SCAF4: variants seen among roughly 807,000 people sequenced by gnomAD.
The protein encoded by SCAF4 is SR-related CTD associated factor 4.
SCAF4 carries 25 observed loss-of-function variants against 129.8 expected under a neutral mutation model. That is an observed-to-expected ratio of 0.19 (90% CI 0.14 to 0.27). SCAF4 has a LOEUF of 0.27. SCAF4 is among the 10% of genes least tolerant of loss of function. The pLI is 1.00. For missense variants in SCAF4, 1,246 were observed against 1,457.1 expected (o/e 0.86, Z 2.36); for synonymous variants, 551 against 497.7 (o/e 1.11, Z -1.43).
chr21:31,694,763 T>A, intron 10 of SCAF4, 50 bp downstream of exon 10: 1 of 1,561,382 alleles, frequency 6.4e-7, no homozygotes, highest in Non-Finnish European at 8.8e-7. Context: ...AATCTGCATA[T>A]AAGTCAAGGC....
intron 1 of SCAF4, among the ~76,000 whole-genome samples, chr21:31,715,329 C>T (rs1353104685): frequency 2.6e-5 from 4 of 151,834 alleles, no homozygotes; most frequent in Admixed American, 2.6e-4. Context: ...TTACACCGGG[C>T]CCACCCAGAT....
intron 15 of SCAF4, among the ~76,000 whole-genome samples, chr21:31,690,283 G>A (rs747624538): frequency 3.3e-5 from 5 of 151,874 alleles, no homozygotes; most frequent in South Asian, 2.1e-4. Flanking sequence ...TCAGGAGTTC[G>A]AGACCAGCCT....
chr21:31,693,954 T>C (rs1008004343), intron 11 of SCAF4, among the ~76,000 whole-genome samples: 1 of 152,140 alleles, frequency 6.6e-6, no homozygotes, highest in Non-Finnish European at 1.5e-5. Flanking sequence ...TACCTATGTA[T>C]AGAATTATAT....
rs147072383 is a variant in SCAF4 at position 31,726,842 on chromosome 21, G to C, written c.30+4821C>G. ...GAGCAAACAAAAAAAGCAGGTCAAAGCTGCAGTAAGCCGTGCTGGTGCCAC... is the reference window on the plus strand; with the variant it reads ...GAGCAAACAAAAAAAGCAGGTCAAACCTGCAGTAAGCCGTGCTGGTGCCAC... On this transcript the variant is annotated intron_variant, in intron 1 of 19. Transcript: ENST00000286835. Among the ~76,000 whole-genome samples, 889 of 152,226 alleles carry C rather than the reference G, an allele frequency of 5.8e-3. 5 individuals are homozygous for C. Among genetic ancestry groups the C allele is most frequent in the Non-Finnish European group, 8.9e-3 (604 of 68,012 alleles).
At position 31,685,032 on chromosome 21, in the gene SCAF4, A is replaced by T; in HGVS notation, c.2488+17T>A. ...GGGTGGGGCAAGGAAAACTAATGAT[A>T]AAAAAAAATAACTTACCAAGAAGTG... On this transcript the variant is annotated intron_variant, in intron 19 of 19. Coordinates refer to ENST00000286835, the MANE Select transcript of SCAF4 (RefSeq NM_020706.2). 2.3e-6 allele frequency: 3 copies of T among 1,324,892 alleles called. No individual in the cohort carries two copies. The highest frequency in any genetic ancestry group is 3.2e-6 in the Non-Finnish European group (3 of 940,574). The allele number at this position is 1,324,892 out of a possible 1,614,324, so 82.1% of individuals were successfully genotyped here. A position where few individuals can be genotyped will look rare whatever the true frequency, so the allele number is the denominator to read the frequency against.
chr21:31,730,598 A>T (rs1175690622), intron 1 of SCAF4, among the ~76,000 whole-genome samples: 1 of 152,212 alleles, frequency 6.6e-6, no homozygotes, highest in Non-Finnish European at 1.5e-5. Context: ...GAACTACAAC[A>T]TTTGATTTTT....
chr21:31,672,059 C>G lies in SCAF4; in HGVS notation c.2784G>C (p.Gly928=). The G allele has an allele frequency of 1.2e-6, 2 of 1,613,352 alleles. No individual in the cohort carries two copies. The highest frequency in any genetic ancestry group is 2.2e-5 in the South Asian group (2 of 91,072). ...TGTCTTCAGGACCCCCTGGGCCTGG[C>G]CCTGGGCCCCCGAGCCCTGGCATTC... ...PGGMPGLGGP[G]PGPGGPEDRD... The change falls in exon 20 of 20, where the codon GGG becomes GGC. Residue 928 remains glycine, a synonymous_variant. Transcript: ENST00000286835.
intron 19 of SCAF4, among the ~76,000 whole-genome samples, chr21:31,680,316 C>A (rs1395351681): frequency 1.3e-5 from 2 of 152,296 alleles, no homozygotes; most frequent in East Asian, 3.9e-4. Context: ...AAATTCATAT[C>A]CACGCCAAGT....
intron 19 of SCAF4, among the ~76,000 whole-genome samples, chr21:31,679,971 T>C (rs1250995355): frequency 6.6e-6 from 1 of 152,240 alleles, no homozygotes; most frequent in Non-Finnish European, 1.5e-5. Context: ...TAAAGTTAAC[T>C]TTCTATCACT....
chr21:31,685,085 G>A lies in SCAF4; in HGVS notation c.2452C>T (p.Pro818Ser). The A allele has an allele frequency of 1.9e-6, 3 of 1,612,538 alleles. No homozygotes were observed. Among genetic ancestry groups the A allele is most frequent in the Non-Finnish European group, 1.7e-6 (2 of 1,179,536 alleles). The change falls in exon 19 of 20, where the codon CCC (proline) becomes TCC (serine). Residue 818 changes from proline to serine, a missense_variant. By Grantham distance (74) the Pro-to-Ser change is moderately conservative. This residue lies in a region of SCAF4 where 468 missense variants were observed against 605.5 expected (regional missense o/e 0.77). Transcript: ENST00000286835. ...AVPPAAPTNL[P>S]TPPVTQPVSL... ...ACAGGCTGGGTTACAGGAGGGGTGGGCAGATTCGTGGGTGCAGCAGGTGGC... is the reference window on the plus strand; with the variant it reads ...ACAGGCTGGGTTACAGGAGGGGTGGACAGATTCGTGGGTGCAGCAGGTGGC...
chr21:31,678,983 A>G (rs2049933027), intron 19 of SCAF4, among the ~76,000 whole-genome samples: 1 of 152,212 alleles, frequency 6.6e-6, no homozygotes, highest in Non-Finnish European at 1.5e-5. Context: ...TTAGATATTT[A>G]TTGAACATAT....
intron 1 of SCAF4, among the ~76,000 whole-genome samples, chr21:31,719,112 G>A (rs930939578): frequency 1.2e-4 from 19 of 152,056 alleles, no homozygotes; most frequent in African/African-American, 4.3e-4. Context: ...TCAACATGGA[G>A]AAACCCCATC....
chr21:31,719,247 G>A (rs186907419), intron 1 of SCAF4, among the ~76,000 whole-genome samples: 52 of 151,802 alleles, frequency 3.4e-4, no homozygotes, highest in African/African-American at 1.2e-4. Flanking sequence ...CCAAGATCAC[G>A]CCATCGCACT....
chr21:31,711,753 A>C (rs2050805273), intron 1 of SCAF4, among the ~76,000 whole-genome samples: 1 of 152,200 alleles, frequency 6.6e-6, no homozygotes, highest in Non-Finnish European at 1.5e-5. Flanking sequence ...TGCAATGTGG[A>C]CCCAAACTAG....
Position 31,676,292 on chromosome 21 carries a change from C to G in SCAF4, c.2489-3938G>C, listed in dbSNP as rs139966155. Reference sequence around the variant, plus strand: ...TCCAAATTCCCAATTTCAAGTACCCCACTCTTTACCTGCTTCTCCTCTTTC... The same window carrying G: ...TCCAAATTCCCAATTTCAAGTACCCGACTCTTTACCTGCTTCTCCTCTTTC... On this transcript the variant is annotated intron_variant, in intron 19 of 19. Transcript: ENST00000286835. Among the ~76,000 whole-genome samples the G allele has an allele frequency of 1.3e-3, 199 of 152,244 alleles. 1 individual carries two copies. The highest frequency in any genetic ancestry group is 4.5e-3 in the African/African-American group (186 of 41,552).
At chr21:31,700,893 C>G (rs777878985) in intron 7 of SCAF4, 102 bp downstream of exon 7, 7 of 1,253,770 alleles carry the variant, frequency 5.6e-6, no homozygotes, top group Non-Finnish European at 8.1e-6. Flanking sequence ...AATTACAAAA[C>G]GACATAATGA....
rs573116164 is a variant in SCAF4, at chr21:31,671,108, TAAA to T, written c.*288_*290del. ...CTTTCACCGTTACCTTGTCTTAAATTAAAAAAAAAAAAAAAAATAGAGAGCACT... is the reference window on the plus strand; with the variant it reads ...CTTTCACCGTTACCTTGTCTTAAATTAAAAAAAAAAAAAATAGAGAGCACT... On this transcript the variant is annotated 3_prime_UTR_variant, in exon 20 of 20. Coordinates refer to ENST00000286835, the MANE Select transcript of SCAF4 (RefSeq NM_020706.2). 2.5e-3 allele frequency: 515 copies of T among 207,440 alleles called. No individual in the cohort carries two copies. Among genetic ancestry groups the T allele is most frequent in the Middle Eastern group, 4.9e-3 (3 of 616 alleles). 12.8% of individuals were successfully genotyped at this position (207,440 alleles called of 1,614,324 possible).
intron 4 of SCAF4, among the ~76,000 whole-genome samples, chr21:31,703,429 C>A (rs1344011950): frequency 6.6e-6 from 1 of 152,104 alleles, no homozygotes; most frequent in African/African-American, 2.4e-5. Flanking sequence ...CAGATCTCTA[C>A]AACCTATTCA....
chr21:31,702,355 G>T lies in SCAF4; in HGVS notation c.346C>A (p.Leu116Ile). Residue 116 changes from leucine to isoleucine, a missense_variant, in exon 5 of 20, where the codon CTT (leucine) becomes ATT (isoleucine). By Grantham distance (5) the Leu-to-Ile change is conservative. Transcript: ENST00000286835. ...DKSKIVRVLNLWQKNGVFKIE... is the reference protein window; with the variant it reads ...DKSKIVRVLNIWQKNGVFKIE... ...TTGAACACTCCATTTTTTTGCCAAA[G>T]GTTCAGCACACGAACTATTTTACTC... The T allele has an allele frequency of 6.2e-7, 1 of 1,613,744 alleles. No homozygotes were observed. The highest frequency in any genetic ancestry group is 1.1e-5 in the South Asian group (1 of 91,056).
Sources: allele counts gnomAD v4.1 joint callset (sites outside exome capture counted in the v4.1 genomes callset), GRCh38; gene constraint gnomAD v4.1.1; regional missense constraint gnomAD v4.1.1; transcripts MANE v1.5; gene names NCBI Gene and HGNC (gene_info 2026-07-23, HGNC 2026-07-21).